SERPINI1: variants seen among roughly 807,000 people sequenced by gnomAD.
SERPINI1 encodes serpin family I member 1, also known as neuroserpin.
A neutral mutation model predicts 41.1 loss-of-function variants in SERPINI1; 19 were observed. That is an observed-to-expected ratio of 0.46 (90% CI 0.32 to 0.68). The LOEUF (loss-of-function observed/expected upper bound fraction) is 0.68. SERPINI1 is among the 30% of genes least tolerant of loss of function. The probability of loss-of-function intolerance (pLI) is 0.03; values close to 1 mark genes in which losing one functional copy is unlikely to be tolerated. For synonymous variants in SERPINI1, 138 were observed against 156.6 expected, an observed-to-expected ratio of 0.88 and a Z score of 0.89; for missense variants, 460 against 479.2, an observed-to-expected ratio of 0.96 and a Z score of 0.37.
intron 6 of SERPINI1, among the ~76,000 whole-genome samples, chr3:167,818,995 C>G (rs1712222446): frequency 6.6e-6 from 1 of 152,190 alleles, no homozygotes; most frequent in East Asian, 1.9e-4. Flanking sequence ...TGGGTTCTAG[C>G]ACCTTTGTAT....
intron 1 of SERPINI1, among the ~76,000 whole-genome samples, chr3:167,785,522 G>A (rs1475265240): frequency 6.6e-6 from 1 of 152,172 alleles, no homozygotes; most frequent in African/African-American, 2.4e-5. Flanking sequence ...CCTGGCTCTA[G>A]CACTTCCTGT....
intron 6 of SERPINI1, among the ~76,000 whole-genome samples, chr3:167,815,497 C>A (rs1712049483): frequency 6.6e-6 from 1 of 151,882 alleles, no homozygotes; most frequent in Non-Finnish European, 1.5e-5. Context: ...TCGAGCAATT[C>A]TCTGGCCTTA....
chr3:167,789,377 T>C lies in SERPINI1; in HGVS notation c.249T>C (p.Asn83=), dbSNP rs1727423258. ...RHSMGYDSLK[N]GEEFSFLKEF... ...CAATGGGATATGACAGCCTAAAAAA[T>C]GGTAAGAGTGATCAGGTTTGATTTC... The change falls in exon 2 of 9, where the codon AAT becomes AAC. Residue 83 remains asparagine (N), a splice_region_variant and synonymous_variant. Transcript: ENST00000446050. 6.2e-7 allele frequency: 1 copy of C among 1,613,954 alleles called. No individual in the cohort carries two copies. The highest frequency in any genetic ancestry group is 8.5e-7 in the Non-Finnish European group (1 of 1,179,872).
chr3:167,815,999 A>G (rs1163950259), intron 6 of SERPINI1, among the ~76,000 whole-genome samples: 1 of 152,088 alleles, frequency 6.6e-6, no homozygotes, highest in African/African-American at 2.4e-5. Flanking sequence ...TGGAACGTCT[A>G]CTTTAGATTA....
chr3:167,788,017 TGC>T (rs1727371179), intron 1 of SERPINI1, among the ~76,000 whole-genome samples: 1 of 152,256 alleles, frequency 6.6e-6, no homozygotes. Context: ...CAAATGCATT[TGC>T]TCAATATCAC....
intron 5 of SERPINI1, among the ~76,000 whole-genome samples, chr3:167,799,081 T>C (rs1259156205): frequency 6.6e-6 from 1 of 152,208 alleles, no homozygotes; most frequent in Non-Finnish European, 1.5e-5. Context: ...CTGGGATACA[T>C]GTGCAGAACA....
rs540399991 is a variant in SERPINI1, at chr3:167,806,069, A to G, written c.882-1175A>G. 9.2e-5 allele frequency among the ~76,000 whole-genome samples: 14 copies of G among 152,268 alleles called. No individual in the cohort carries two copies. The South Asian group carries it at 2.9e-3, about 32-fold the overall frequency. On this transcript the variant is annotated intron_variant, in intron 5 of 8. Transcript: ENST00000446050. ...TTACAATAGCAAAGACTTGGAACCAACCCAAATGTCCATCAATGATAGACT... is the reference window on the plus strand; with the variant it reads ...TTACAATAGCAAAGACTTGGAACCAGCCCAAATGTCCATCAATGATAGACT...
chr3:167,777,886 G>T (rs36089589), intron 1 of SERPINI1, among the ~76,000 whole-genome samples: 19,502 of 152,156 alleles, frequency 0.13, 1,520 homozygotes, highest in African/African-American at 0.21. Context: ...TCTGCCCTCA[G>T]GAATGGATTA....
At chr3:167,744,736 T>C (rs1395577498) in intron 1 of SERPINI1, among the ~76,000 whole-genome samples, 2 of 125,902 alleles carry the variant, frequency 1.6e-5, no homozygotes, top group African/African-American at 6.1e-5. Flanking sequence ...TAAATATATA[T>C]ATTATATATA....
intron 6 of SERPINI1, among the ~76,000 whole-genome samples, chr3:167,809,330 C>T (rs1711783168): frequency 6.6e-6 from 1 of 152,172 alleles, no homozygotes; most frequent in South Asian, 2.1e-4. Flanking sequence ...ATTGTACTTT[C>T]TTAACGTGGC....
Position 167,822,126 on chromosome 3 carries a change from T to C in SERPINI1, c.980-860T>C, listed in dbSNP as rs867675665. On this transcript the variant is annotated intron_variant, in intron 6 of 8. Transcript: ENST00000446050. ...ACCATGGCTCAGCCACGCTGACACG[T>C]AGAGTTAATTAACCATTACACAGGG... 4.7e-4 allele frequency among the ~76,000 whole-genome samples: 71 copies of C among 152,326 alleles called. 1 individual carries two copies. Among genetic ancestry groups the C allele is most frequent in the Admixed American group, 3.3e-3 (50 of 15,304 alleles).
At chr3:167,819,030 A>T (rs1350360188) in intron 6 of SERPINI1, among the ~76,000 whole-genome samples, 3 of 152,212 alleles carry the variant, frequency 2.0e-5, no homozygotes, top group Admixed American at 6.5e-5. Flanking sequence ...TTGGCTCTTG[A>T]TGCTTAACTC....
At chr3:167,777,589 T>C (rs1376212310) in intron 1 of SERPINI1, among the ~76,000 whole-genome samples, 1 of 152,208 alleles carries the variant, frequency 6.6e-6, no homozygotes, top group Non-Finnish European at 1.5e-5. Context: ...CAGACACTGC[T>C]AAAGAAAGGG....
intron 1 of SERPINI1, among the ~76,000 whole-genome samples, chr3:167,741,650 T>G (rs1489177043): frequency 6.6e-6 from 1 of 152,204 alleles, no homozygotes; most frequent in African/African-American, 2.4e-5. Context: ...ATTAAATCAG[T>G]TATTGGAGCA....
At chr3:167,791,556 G>A (rs1160237949) in intron 3 of SERPINI1, among the ~76,000 whole-genome samples, 2 of 152,020 alleles carry the variant, frequency 1.3e-5, no homozygotes, top group Non-Finnish European at 2.9e-5. Context: ...TACATCAAGG[G>A]GTGATAATGC....
intron 1 of SERPINI1, among the ~76,000 whole-genome samples, chr3:167,779,008 A>G (rs897148605): frequency 6.6e-6 from 1 of 152,232 alleles, no homozygotes; most frequent in African/African-American, 2.4e-5. Context: ...CAGCCAGGTC[A>G]GTGCTAGTTG....
In SERPINI1 at chr3:167,824,479, T is replaced by C. The variant is rs762646037; in HGVS notation, c.1073T>C (p.Ile358Thr). The C allele has an allele frequency of 8.1e-6, 13 of 1,612,502 alleles. No individual in the cohort carries two copies. The East Asian group carries it at 2.9e-4, about 36-fold the overall frequency. ...GSEAAAVSGMIAISRMAVLYP... is the reference protein window; with the variant it reads ...GSEAAAVSGMTAISRMAVLYP... ...CTTTTTATCTGCACTGTAGGAATGA[T>C]TGCAATTAGTAGGATGGCTGTGCTG... Residue 358 changes from isoleucine (I) to threonine (T), a missense_variant, in exon 8 of 9, where the codon ATT becomes ACT. Coordinates refer to ENST00000446050, the MANE Select transcript of SERPINI1 (RefSeq NM_001122752.2).
chr3:167,765,175 G>A (rs972330292), intron 1 of SERPINI1, among the ~76,000 whole-genome samples: 5 of 152,216 alleles, frequency 3.3e-5, no homozygotes, highest in African/African-American at 9.6e-5. Context: ...GACTCTGTGT[G>A]GAGGCTCCAA....
intron 5 of SERPINI1, 35 bp downstream of exon 5, chr3:167,794,859 G>A: frequency 6.5e-7 from 1 of 1,548,380 alleles, no homozygotes; most frequent in East Asian, 2.2e-5. Flanking sequence ...CCCACAGCAT[G>A]GACGATGGGC....
Sources: allele counts gnomAD v4.1 joint callset (sites outside exome capture counted in the v4.1 genomes callset), GRCh38; gene constraint gnomAD v4.1.1; transcripts MANE v1.5; gene names NCBI Gene and HGNC (gene_info 2026-07-23, HGNC 2026-07-21).